Variants in USP48 observed in about 807,000 individuals in gnomAD.
USP48 encodes ubiquitin specific peptidase 48.
USP48 carries 43 observed loss-of-function variants against 150.7 expected under a neutral mutation model. The observed-to-expected ratio is 0.29, with a 90% confidence interval of 0.22 to 0.37. The LOEUF (loss-of-function observed/expected upper bound fraction) is 0.37, where lower values mean the gene tolerates loss of function less well. USP48 is among the 10% of genes least tolerant of loss of function. USP48 has a pLI of 1.00. For missense variants in USP48, 813 were observed against 1,249.6 expected (o/e 0.65, Z 5.27); for synonymous variants, 396 against 425.9 (o/e 0.93, Z 0.86).
At chr1:21,763,349 A>G (rs1291029032) in intron 1 of USP48, among the ~76,000 whole-genome samples, 3 of 152,218 alleles carry the variant, frequency 2.0e-5, no homozygotes, top group Admixed American at 6.5e-5. Flanking sequence ...CCGAGCCTCT[A>G]TGGCCACACT....
intron 9 of USP48, among the ~76,000 whole-genome samples, chr1:21,733,800 T>C (rs1001709879): frequency 1.4e-4 from 22 of 152,064 alleles, no homozygotes; most frequent in African/African-American, 5.1e-4. Flanking sequence ...TTTTTTTTTT[T>C]CTTTTTTTTC....
chr1:21,705,871 T>C (rs1296295199), intron 18 of USP48, 34 bp from the exon 19 acceptor site: 1 of 1,481,642 alleles, frequency 6.7e-7, no homozygotes, highest in African/African-American at 1.4e-5. Flanking sequence ...GAAATATACC[T>C]AATTACTGCA....
At chr1:21,685,660 A>G (rs1363743320) in intron 25 of USP48, among the ~76,000 whole-genome samples, 1 of 152,194 alleles carries the variant, frequency 6.6e-6, no homozygotes, top group East Asian at 1.9e-4. Flanking sequence ...ATGTATAGTA[A>G]TGCTGCTAAT....
rs756176560 is a variant in USP48 at position 21,715,433 on chromosome 1, T to C, written c.1919A>G (p.Glu640Gly). The part of the protein sequence containing the change: ...NKDESKEERK[E>G]EEELNFNEDI... ...TTCATTAAAATTTAATTCCTCCTCT[T>C]CTTTTCTTTCTTCCTTTGATTCATC... The change falls in exon 15 of 27, where the codon GAA becomes GGA. Residue 640 changes from glutamate (E) to glycine (G), a missense_variant. Transcript: ENST00000308271. 1 of 1,584,156 alleles carries C rather than the reference T, an allele frequency of 6.3e-7. No homozygotes were observed. The highest frequency in any genetic ancestry group is 1.7e-5 in the Admixed American group (1 of 59,426).
Position 21,706,551 on chromosome 1 carries a change from A to G in USP48, c.2127T>C (p.His709=). 1 of 1,614,180 alleles carries G rather than the reference A, an allele frequency of 6.2e-7. No homozygotes were observed. The highest frequency in any genetic ancestry group is 8.5e-7 in the Non-Finnish European group (1 of 1,180,028). Residue 709 remains histidine, a synonymous_variant, in exon 17 of 27, where the codon CAT becomes CAC. Coordinates refer to ENST00000308271, the MANE Select transcript of USP48 (RefSeq NM_032236.8). ...TCTTTTGCTCGTTTGCAATCATCTT[A>G]TGTAAGGCTTCATTTTCTTCCCCTT... ...EREGEENEAL[H]KMIANEQKTS...
intron 8 of USP48, among the ~76,000 whole-genome samples, chr1:21,740,993 G>A (rs750250946): frequency 2.0e-5 from 3 of 152,152 alleles, no homozygotes; most frequent in Non-Finnish European, 4.4e-5. Flanking sequence ...AGAGTTGGGC[G>A]ACATGCAACA....
intron 9 of USP48, among the ~76,000 whole-genome samples, chr1:21,731,301 T>C (rs1481396928): frequency 2.6e-5 from 4 of 152,000 alleles, no homozygotes; most frequent in Non-Finnish European, 5.9e-5. Flanking sequence ...ATTTCGCTCG[T>C]CTCCCAGGCT....
intron 15 of USP48, chr1:21,715,038 T>A: frequency 5.1e-6 from 1 of 196,696 alleles, no homozygotes; most frequent in Non-Finnish European, 1.0e-5. Flanking sequence ...GCTAGGACAG[T>A]GACAGTCAGA....
At chr1:21,679,591 CCAG>C (rs1472765763) in intron 26 of USP48, 152 bp from the exon 27 acceptor site, 4 of 866,858 alleles carry the variant, frequency 4.6e-6, no homozygotes, top group South Asian at 1.6e-5. Context: ...AGACAAAATA[CCAG>C]CAGACTCCAG....
chr1:21,738,688 T>G (rs1415433195), intron 8 of USP48, among the ~76,000 whole-genome samples: 1 of 152,050 alleles, frequency 6.6e-6, no homozygotes, highest in Non-Finnish European at 1.5e-5. Flanking sequence ...AGGGTCTCAT[T>G]GTCTTGCCCA....
At chr1:21,768,929 T>C (rs1004169763) in intron 1 of USP48, among the ~76,000 whole-genome samples, 1 of 152,098 alleles carries the variant, frequency 6.6e-6, no homozygotes, top group African/African-American at 2.4e-5. Flanking sequence ...CCTCCCAAAC[T>C]GCTGGGGTTA....
At chr1:21,706,319 AT>A (rs1236703905) in intron 17 of USP48, 132 bp from the exon 18 acceptor site, 1 of 1,493,262 alleles carries the variant, frequency 6.7e-7, no homozygotes, top group African/African-American at 1.4e-5. Flanking sequence ...CTACCAAAAA[AT>A]AGCAGGCTGG....
In USP48 at chr1:21,689,932, T is replaced by C. The variant is rs546653623; in HGVS notation, c.3009+42A>G. 1.7e-5 allele frequency: 28 copies of C among 1,609,276 alleles called. No homozygotes were observed. In the South Asian group the frequency reaches 2.6e-4, roughly 15 times the overall value. On this transcript the variant is annotated intron_variant, in intron 24 of 26. Coordinates refer to ENST00000308271, the MANE Select transcript of USP48 (RefSeq NM_032236.8). ...ACAGTTTACACATAGTTATGTAACA[T>C]GTAAAACCTTGAGTTCTTCAGCTAA... is the stretch of plus-strand genomic sequence containing the variant.
At chr1:21,728,315 T>C in intron 11 of USP48, 4 of 1,209,952 alleles carry the variant, frequency 3.3e-6, no homozygotes, top group Non-Finnish European at 3.1e-6. Context: ...ACAATACTCA[T>C]GGATGCAGAG....
chr1:21,772,555 G>A (rs1447526845), intron 1 of USP48, among the ~76,000 whole-genome samples: 8 of 151,034 alleles, frequency 5.3e-5, no homozygotes, highest in African/African-American at 9.7e-5. Context: ...CCCGGGAGGC[G>A]GAGCTCGCAG....
chr1:21,694,521 G>T (rs1330340029), intron 23 of USP48, among the ~76,000 whole-genome samples: 4 of 126,484 alleles, frequency 3.2e-5, no homozygotes, highest in Non-Finnish European at 6.3e-5. Context: ...AGTGAGCCAA[G>T]ATGGCACCAC....
intron 3 of USP48, among the ~76,000 whole-genome samples, chr1:21,753,823 T>TAAA (rs11308463): frequency 3.0e-3 from 262 of 86,622 alleles, no homozygotes; most frequent in Middle Eastern, 7.6e-3. Context: ...CGAGACTCTT[T>TAAA]AAAAAAAAAA....
At chr1:21,689,218 T>TA (rs1024234655) in intron 24 of USP48, among the ~76,000 whole-genome samples, 5 of 93,388 alleles carry the variant, frequency 5.4e-5, no homozygotes, top group African/African-American at 1.5e-4. Flanking sequence ...CATTTTTTGC[T>TA]TTTTTTTTTT....
chr1:21,746,915 C>T, intron 8 of USP48, 152 bp downstream of exon 8: 1 of 570,050 alleles, frequency 1.8e-6, no homozygotes. Flanking sequence ...TCTTGGCTCT[C>T]CTAAAAAAGT....
Sources: gnomAD v4.1 joint callset for allele counts (sites outside exome capture counted in the v4.1 genomes callset) on GRCh38, gnomAD v4.1.1 for gene constraint, MANE v1.5 for transcripts, NCBI Gene and HGNC (gene_info 2026-07-23, HGNC 2026-07-21) for gene names.